The following CHD8 variants were observed in gnomAD, a reference collection of about 807,000 sequenced individuals.
CHD8 encodes ATP-dependent chromatin remodeler CHD8.
Under a neutral mutation model 279.2 loss-of-function variants are expected in CHD8, and 31 were observed. That is an observed-to-expected ratio of 0.11 (90% CI 0.08 to 0.15). CHD8 has a LOEUF of 0.15. CHD8 is among the 10% of genes least tolerant of loss of function. The pLI, the probability that CHD8 is intolerant of heterozygous loss-of-function variation, is 1.00. For synonymous variants in CHD8, 1,081 were observed against 1,139.6 expected (o/e 0.95, Z 1.04); for missense variants, 2,146 against 3,230.5 (o/e 0.66, Z 8.14).
chr14:21,445,974 T>C (rs1000230766), intron 1 of CHD8, among the ~76,000 whole-genome samples: 1 of 151,810 alleles, frequency 6.6e-6, no homozygotes, highest in African/African-American at 2.4e-5. Flanking sequence ...CACTCCAGCC[T>C]GGCGACAGAG....
chr14:21,430,714 G>A (rs1889529510), intron 2 of CHD8, 87 bp downstream of exon 2: 8 of 798,424 alleles, frequency 1.0e-5, no homozygotes, highest in African/African-American at 1.7e-5. Flanking sequence ...GGCTTTCCCA[G>A]AGAAAGCTCT....
intron 30 of CHD8, 68 bp from the exon 31 acceptor site, chr14:21,394,553 A>G: frequency 1.5e-6 from 1 of 677,458 alleles, no homozygotes; most frequent in African/African-American, 2.4e-5. Context: ...AAAACTGGTT[A>G]TTTTTTAATG....
Position 21,385,564 on chromosome 14 carries a change from T to C in CHD8, c.*49A>G, listed in dbSNP as rs1316862010. On this transcript the variant is annotated 3_prime_UTR_variant, in exon 38 of 38. Transcript: ENST00000646647. The stretch of plus-strand genomic sequence containing the variant: ...CGTTTCCATAGTCCAAGGGCCAGAG[T>C]AAATGAAAATACAGCAGCCGCCCAA... 6.6e-7 allele frequency: 1 copy of C among 1,514,248 alleles called. No homozygotes were observed. Among genetic ancestry groups the C allele is most frequent in the South Asian group, 1.3e-5 (1 of 78,194 alleles). 93.8% of individuals were successfully genotyped at this position (1,514,248 alleles called of 1,614,324 possible). A position where few individuals can be genotyped will look rare whatever the true frequency, so the allele number is the denominator to read the frequency against.
intron 21 of CHD8, 120 bp downstream of exon 21, chr14:21,401,283 C>T (rs537093907): frequency 1.8e-4 from 136 of 755,214 alleles, no homozygotes; most frequent in Admixed American, 1.0e-3. Context: ...CCACAACAGC[C>T]CTTGTATACA....
At chr14:21,436,053 GA>G (rs1212218996) in intron 1 of CHD8, among the ~76,000 whole-genome samples, 2 of 152,216 alleles carry the variant, frequency 1.3e-5, no homozygotes, top group African/African-American at 4.8e-5. Flanking sequence ...TCTCCGTAGT[GA>G]CAACCTCTTA....
In CHD8 at chr14:21,386,192, A is replaced by G; in HGVS notation, c.7183-16T>C. Reference sequence around the variant, plus strand: ...TGTGATGACCCTAGGAGGAGGGAATAGAAGATAATAAAAAGAAAGAAAGGG... The same window carrying G: ...TGTGATGACCCTAGGAGGAGGGAATGGAAGATAATAAAAAGAAAGAAAGGG... On this transcript the variant is annotated splice_polypyrimidine_tract_variant and intron_variant, in intron 37 of 37. Coordinates refer to ENST00000646647, the MANE Select transcript of CHD8 (RefSeq NM_001170629.2). 1 of 1,533,156 alleles carries G rather than the reference A, an allele frequency of 6.5e-7. No homozygotes were observed. Among genetic ancestry groups the G allele is most frequent in the Non-Finnish European group, 8.8e-7 (1 of 1,138,228 alleles). The allele number at this position is 1,533,156 out of a possible 1,614,324, so 95.0% of individuals were successfully genotyped here. A position where few individuals can be genotyped will look rare whatever the true frequency, so the allele number is the denominator to read the frequency against.
Position 21,393,091 on chromosome 14 carries a change from G to A in CHD8, c.6468+15C>T. 1 of 1,612,586 alleles carries A rather than the reference G, an allele frequency of 6.2e-7. No individual in the cohort carries two copies. Among genetic ancestry groups the A allele is most frequent in the Non-Finnish European group, 8.5e-7 (1 of 1,179,492 alleles). Reference sequence around the variant, plus strand: ...TTCTGGACTCTACATGTCCAGGGATGAGGCTGTTTGTTACCTTGGGCCACT... The same window carrying A: ...TTCTGGACTCTACATGTCCAGGGATAAGGCTGTTTGTTACCTTGGGCCACT... On this transcript the variant is annotated intron_variant, in intron 33 of 37. Coordinates refer to ENST00000646647, the MANE Select transcript of CHD8 (RefSeq NM_001170629.2).
intron 5 of CHD8, among the ~76,000 whole-genome samples, chr14:21,424,160 T>A (rs1238489289): frequency 6.6e-6 from 1 of 152,230 alleles, no homozygotes; most frequent in Non-Finnish European, 1.5e-5. Flanking sequence ...AATTTCATCT[T>A]TTATATTTAC....
At chr14:21,401,378 T>C (rs748281668) in intron 21 of CHD8, 25 bp downstream of exon 21, 1 of 1,396,034 alleles carries the variant, frequency 7.2e-7, no homozygotes, top group Non-Finnish European at 9.8e-7. Context: ...TCTGCGATAC[T>C]TCCTCCCTAA....
At position 21,405,669 on chromosome 14, in the gene CHD8, A is replaced by G; in HGVS notation, c.3051+52T>C. The stretch of plus-strand genomic sequence containing the variant: ...ATGACAACAGATGTCTGCCTTGTAC[A>G]AACTTCACCTTCTTTGTCCTGAGTT... On this transcript the variant is annotated intron_variant, in intron 15 of 37. Coordinates refer to ENST00000646647, the MANE Select transcript of CHD8 (RefSeq NM_001170629.2). The surrounding 1 kb of genome is among the most constrained non-coding windows in gnomAD (Gnocchi z 4.2). The G allele has an allele frequency of 2.5e-6, 4 of 1,600,170 alleles. No homozygotes were observed. The South Asian group carries it at 4.5e-5, about 18-fold the overall frequency.
intron 13 of CHD8, 103 bp from the exon 14 acceptor site, chr14:21,407,135 C>T (rs1888285308): frequency 3.5e-6 from 3 of 850,032 alleles, no homozygotes; most frequent in South Asian, 1.8e-5. Context: ...ATAGGCAATA[C>T]AAACTGCACC....
At chr14:21,425,290 G>C (rs1889260291) in intron 5 of CHD8, 1 of 151,278 alleles carries the variant, frequency 6.6e-6, no homozygotes, top group African/African-American at 2.4e-5. Flanking sequence ...CTTTGTATTT[G>C]AAACACTGGA....
In CHD8 at chr14:21,402,581, T is replaced by G. The variant is rs1259540698; in HGVS notation, c.3715-78A>C. The G allele has an allele frequency of 7.4e-7, 1 of 1,355,946 alleles. No individual in the cohort carries two copies. Among genetic ancestry groups the G allele is most frequent in the East Asian group, 2.5e-5 (1 of 40,452 alleles). 84.0% of individuals were successfully genotyped at this position (1,355,946 alleles called of 1,614,324 possible). On this transcript the variant is annotated intron_variant, in intron 18 of 37. Transcript: ENST00000646647. The surrounding 1 kb of genome is among the most constrained non-coding windows in gnomAD (Gnocchi z 4.5). ...AGGGAAAGGATACAAAATACCAATT[T>G]ATGATTCTTTCACCTCTATAGAGCA...
intron 1 of CHD8, chr14:21,437,372 G>C (rs987096261): frequency 4.9e-6 from 3 of 610,258 alleles, no homozygotes; most frequent in African/African-American, 4.0e-5. Flanking sequence ...GGGACTATAA[G>C]GAGCTCCCTT....
chr14:21,441,480 A>G (rs1053461435), intron 1 of CHD8, among the ~76,000 whole-genome samples: 2 of 152,240 alleles, frequency 1.3e-5, no homozygotes, highest in African/African-American at 4.8e-5. Flanking sequence ...TGCTAAGATC[A>G]AGTTTAAAAA....
rs775637274 is a variant in CHD8, at chr14:21,402,791, G to T, written c.3714+226C>A. Among the ~76,000 whole-genome samples, 13 of 152,196 alleles carry T rather than the reference G, an allele frequency of 8.5e-5. No homozygotes were observed. Among genetic ancestry groups the T allele is most frequent in the East Asian group, 1.9e-4 (1 of 5,198 alleles). ...ATCTATGGCTGTTTTTGCGCTACAG[G>T]ACTTGGAGATAAGCAGTTGCAACAA... is the stretch of plus-strand genomic sequence containing the variant. On this transcript the variant is annotated intron_variant, in intron 18 of 37. Transcript: ENST00000646647. This position sits in a 1 kb window ranked among gnomAD's most constrained non-coding sequence, Gnocchi z 4.5.
intron 1 of CHD8, among the ~76,000 whole-genome samples, chr14:21,438,548 A>AAAG (rs1353004741): frequency 1.3e-5 from 2 of 151,506 alleles, no homozygotes; most frequent in African/African-American, 4.8e-5. Flanking sequence ...AAGAAAAAAG[A>AAAG]AAGATGCCGG....
chr14:21,446,178 C>T (rs1045138140), intron 1 of CHD8, among the ~76,000 whole-genome samples: 2 of 152,128 alleles, frequency 1.3e-5, no homozygotes, highest in Non-Finnish European at 2.9e-5. Context: ...GGTAACACAG[C>T]GAGATTCCGT....
chr14:21,434,565 A>G (rs1316930728), intron 1 of CHD8, among the ~76,000 whole-genome samples: 2 of 151,944 alleles, frequency 1.3e-5, no homozygotes, highest in African/African-American at 2.4e-5. Context: ...ATGACTTAGT[A>G]TAAGCTTTTT....
Sources: gnomAD v4.1 joint callset for allele counts (sites outside exome capture counted in the v4.1 genomes callset) on GRCh38, gnomAD v4.1.1 for gene constraint, Gnocchi (gnomAD v3.1) non-coding constraint, MANE v1.5 for transcripts, NCBI Gene and HGNC (gene_info 2026-07-23, HGNC 2026-07-21) for gene names.